The following SLC5A9 variants were observed in gnomAD, a reference collection of about 807,000 sequenced individuals.
SLC5A9 encodes the protein solute carrier family 5 member 9.
SLC5A9 carries 59 observed loss-of-function variants against 70.9 expected under a neutral mutation model. The observed-to-expected ratio is 0.83, with a 90% confidence interval of 0.68 to 1.03. SLC5A9 has a LOEUF of 1.03. Ranked by LOEUF, SLC5A9 falls within the 50% of genes least tolerant of loss-of-function variation. The pLI is 0.00. For missense variants in SLC5A9, 832 were observed against 881.1 expected, an observed-to-expected ratio of 0.94 and a Z score of 0.71; for synonymous variants, 340 against 346.5, an observed-to-expected ratio of 0.98 and a Z score of 0.21.
At position 48,224,735 on chromosome 1, in the gene SLC5A9, T is replaced by G. The variant is rs375370795; in HGVS notation, c.174T>G (p.Arg58=). 113 of 1,614,008 alleles carry G rather than the reference T, an allele frequency of 7.0e-5. 1 individual carries two copies. The highest frequency in any genetic ancestry group is 9.1e-5 in the Non-Finnish European group (107 of 1,180,026). The change falls in exon 2 of 14, where the codon CGT becomes CGG. Residue 58 remains arginine, a synonymous_variant. Coordinates refer to ENST00000438567, the MANE Select transcript of SLC5A9 (RefSeq NM_001011547.3). ...VIAVGIWSSI[R]ASRGTIGGYF... Reference sequence around the variant, plus strand: ...TATTTCCTTTCCAGTCGTCCATCCGTGCAAGTCGAGGGACCATTGGCGGCT... The same window carrying G: ...TATTTCCTTTCCAGTCGTCCATCCGGGCAAGTCGAGGGACCATTGGCGGCT...
At chr1:48,226,725 C>G (rs1644151858) in intron 2 of SLC5A9, among the ~76,000 whole-genome samples, 1 of 152,176 alleles carries the variant, frequency 6.6e-6, no homozygotes, top group Admixed American at 6.5e-5. Context: ...CCTCCCCATG[C>G]CTCCCCTGCT....
In SLC5A9 at chr1:48,247,703, C is replaced by T; in HGVS notation, c.*160C>T. 2 of 691,468 alleles carry T rather than the reference C, an allele frequency of 2.9e-6. No homozygotes were observed. Among genetic ancestry groups the T allele is most frequent in the Non-Finnish European group, 4.9e-6 (2 of 407,486 alleles). The allele number at this position is 691,468 out of a possible 1,614,324, so 42.8% of individuals were successfully genotyped here. A position where few individuals can be genotyped will look rare whatever the true frequency, so the allele number is the denominator to read the frequency against. ...AATCCAACTCAACCTGCACACTTGA[C>T]AAGTGGAGAAACAGAAGCCCAGAGA... On this transcript the variant is annotated 3_prime_UTR_variant, in exon 14 of 14. Transcript: ENST00000438567.
At chr1:48,234,906 C>G (rs1416707598) in intron 9 of SLC5A9, among the ~76,000 whole-genome samples, 1 of 151,998 alleles carries the variant, frequency 6.6e-6, no homozygotes, top group Non-Finnish European at 1.5e-5. Context: ...AACAGAAGGC[C>G]CCAGAGGGAG....
At position 48,222,728 on chromosome 1, in the gene SLC5A9, C is replaced by T; in HGVS notation, c.-9C>T. The T allele has an allele frequency of 6.2e-7, 1 of 1,614,064 alleles. No homozygotes were observed. The highest frequency in any genetic ancestry group is 8.5e-7 in the Non-Finnish European group (1 of 1,179,998). On this transcript the variant is annotated 5_prime_UTR_variant, in exon 1 of 14. Transcript: ENST00000438567. ...CAAAGTCCAGCCTGCTGTTGACCAA[C>T]ACTAACAGATGAGCAAGGAGCTGGC... is the stretch of plus-strand genomic sequence containing the variant.
Position 48,232,099 on chromosome 1 carries a change from G to T in SLC5A9, c.845G>T (p.Gly282Val), listed in dbSNP as rs1260452617. 1.9e-6 allele frequency: 3 copies of T among 1,614,150 alleles called. No homozygotes were observed. Among genetic ancestry groups the T allele is most frequent in the Non-Finnish European group, 2.5e-6 (3 of 1,180,014 alleles). ...GTGAGCGGGGACATCCCTTGGCCAG[G>T]TCTCATTTTCGGGCTCACAGTGCTG... Reference protein sequence around the residue: ...DPVSGDIPWPGLIFGLTVLAT... With the variant: ...DPVSGDIPWPVLIFGLTVLAT... Residue 282 changes from glycine (G) to valine (V), a missense_variant, in exon 7 of 14, where the codon GGT (glycine) becomes GTT (valine). By Grantham distance (109) the Gly-to-Val change is moderately radical. Transcript: ENST00000438567.
intron 4 of SLC5A9, chr1:48,229,661 T>A: frequency 1.4e-6 from 1 of 691,288 alleles, no homozygotes; most frequent in Non-Finnish European, 2.3e-6. Flanking sequence ...TTGGAGTGAA[T>A]GACAGCCCCT....
Position 48,229,470 on chromosome 1 carries a change from C to T in SLC5A9, c.504+11C>T. 2 of 1,613,490 alleles carry T rather than the reference C, an allele frequency of 1.2e-6. No individual in the cohort carries two copies. Among genetic ancestry groups the T allele is most frequent in the Non-Finnish European group, 1.7e-6 (2 of 1,179,552 alleles). ...TTCACCAAGATCTCGGTAGGTGTCA[C>T]TGCAATGTGGTCACTGTGTCTGGAA... On this transcript the variant is annotated intron_variant, in intron 4 of 13. Transcript: ENST00000438567.
chr1:48,228,889 T>C lies in SLC5A9; in HGVS notation c.274T>C (p.Leu92=). 2 of 1,613,850 alleles carry C rather than the reference T, an allele frequency of 1.2e-6. No individual in the cohort carries two copies. The highest frequency in any genetic ancestry group is 8.5e-7 in the Non-Finnish European group (1 of 1,179,990). Residue 92 remains leucine, a synonymous_variant, in exon 3 of 14, where the codon TTG becomes CTG. Coordinates refer to ENST00000438567, the MANE Select transcript of SLC5A9 (RefSeq NM_001011547.3). ...SLMSSNVGSG[L]FIGLAGTGAA... ...GATGTCCAGCAATGTGGGCAGTGGCTTGTTCATCGGCCTGGCTGGGACAGG... is the reference window on the plus strand; with the variant it reads ...GATGTCCAGCAATGTGGGCAGTGGCCTGTTCATCGGCCTGGCTGGGACAGG...
chr1:48,230,592 C>T lies in SLC5A9; in HGVS notation c.505-8C>T. On this transcript the variant is annotated splice_region_variant and splice_polypyrimidine_tract_variant and intron_variant, in intron 4 of 13. Coordinates refer to ENST00000438567, the MANE Select transcript of SLC5A9 (RefSeq NM_001011547.3). Reference sequence around the variant, plus strand: ...TGGTCTGGCCTCTTGGGTCCTGGCTCTCTGCAGACTGACATCTTCTCTGGA... The same window carrying T: ...TGGTCTGGCCTCTTGGGTCCTGGCTTTCTGCAGACTGACATCTTCTCTGGA... The T allele has an allele frequency of 1.2e-6, 2 of 1,612,538 alleles. No homozygotes were observed. The highest frequency in any genetic ancestry group is 1.7e-6 in the Non-Finnish European group (2 of 1,178,704).
chr1:48,237,328 T>C (rs1443547867), intron 10 of SLC5A9, among the ~76,000 whole-genome samples: 1 of 115,938 alleles, frequency 8.6e-6, no homozygotes, highest in Non-Finnish European at 1.6e-5. Flanking sequence ...AGAGAAGACA[T>C]TCTAAGCAGA....
chr1:48,231,611 T>C lies in SLC5A9; in HGVS notation c.677T>C (p.Val226Ala), dbSNP rs1448621140. The stretch of plus-strand genomic sequence containing the variant: ...GTGATCATGGTAGGGGGAGCCCTGG[T>C]CCTCATGTTTCTGGGTAAGGAAGAG... ...QTVIMVGGAL[V>A]LMFLGFQDVG... The change falls in exon 6 of 14, where the codon GTC (valine) becomes GCC (alanine). Residue 226 changes from valine to alanine, a missense_variant. Coordinates refer to ENST00000438567, the MANE Select transcript of SLC5A9 (RefSeq NM_001011547.3). 1.9e-6 allele frequency: 3 copies of C among 1,614,148 alleles called. No individual in the cohort carries two copies. The highest frequency in any genetic ancestry group is 2.5e-6 in the Non-Finnish European group (3 of 1,180,002).
intron 9 of SLC5A9, among the ~76,000 whole-genome samples, chr1:48,233,965 AG>A (rs1459910563): frequency 1.3e-5 from 2 of 152,220 alleles, no homozygotes; most frequent in African/African-American, 2.4e-5. Flanking sequence ...CTGGAGATGC[AG>A]AGATAAAAGG....
Position 48,239,535 on chromosome 1 carries a change from C to T in SLC5A9, c.1675C>T (p.Gln559Ter), listed in dbSNP as rs994916140. 137 of 1,614,008 alleles carry T rather than the reference C, an allele frequency of 8.5e-5. No homozygotes were observed. The highest frequency in any genetic ancestry group is 1.2e-4 in the Non-Finnish European group (137 of 1,179,868). The change falls in exon 12 of 14, where the codon CAG becomes TAG. Residue 559 changes from glutamine to a stop codon, truncating the protein, a stop_gained and splice_region_variant. Transcript: ENST00000438567. LOFTEE classifies it high-confidence loss of function. This position sits in a 1 kb window ranked among gnomAD's most constrained non-coding sequence, Gnocchi z 4.2. Reference sequence around the variant, plus strand: ...CTGTACAACTCCCATCCCTGAGGAACAGGCAAGTGTTGTGCTCATACTGAG... The same window carrying T: ...CTGTACAACTCCCATCCCTGAGGAATAGGCAAGTGTTGTGCTCATACTGAG... ...SLCTTPIPEE[Q>*]LTRLTWWTRN... is the part of the protein sequence containing the mutation.
Position 48,230,605 on chromosome 1 carries a change from C to T in SLC5A9, c.510C>T (p.Asp170=). Residue 170 remains aspartate, a synonymous_variant, in exon 5 of 14, where the codon GAC becomes GAT. Coordinates refer to ENST00000438567, the MANE Select transcript of SLC5A9 (RefSeq NM_001011547.3). ...ILYIFTKIST[D]IFSGALFIQM... is the part of the protein sequence containing the mutation. Reference sequence around the variant, plus strand: ...TGGGTCCTGGCTCTCTGCAGACTGACATCTTCTCTGGAGCCCTCTTCATCC... The same window carrying T: ...TGGGTCCTGGCTCTCTGCAGACTGATATCTTCTCTGGAGCCCTCTTCATCC... The T allele has an allele frequency of 6.2e-7, 1 of 1,613,770 alleles. No individual in the cohort carries two copies. The highest frequency in any genetic ancestry group is 1.3e-5 in the African/African-American group (1 of 75,046).
chr1:48,245,135 T>C (rs1443100997), intron 13 of SLC5A9, among the ~76,000 whole-genome samples: 2 of 150,520 alleles, frequency 1.3e-5, no homozygotes, highest in Non-Finnish European at 3.0e-5. Flanking sequence ...GACTGGGTCC[T>C]GAGCCTTGTA....
Position 48,242,634 on chromosome 1 carries a change from G to A in SLC5A9, c.1837+18G>A, listed in dbSNP as rs770219729. 118 of 1,594,682 alleles carry A rather than the reference G, an allele frequency of 7.4e-5. No individual in the cohort carries two copies. The East Asian group carries it at 1.7e-3, about 22-fold the overall frequency. On this transcript the variant is annotated intron_variant, in intron 13 of 13. Coordinates refer to ENST00000438567, the MANE Select transcript of SLC5A9 (RefSeq NM_001011547.3). ...GCCTGAAGGTAGGCTGCGGCAGGCCGGGGGATACTCATCACAGAGGAACAG... is the reference window on the plus strand; with the variant it reads ...GCCTGAAGGTAGGCTGCGGCAGGCCAGGGGATACTCATCACAGAGGAACAG...
At chr1:48,237,580 C>T in intron 10 of SLC5A9, 99 bp from the exon 11 acceptor site, 1 of 1,167,026 alleles carries the variant, frequency 8.6e-7, no homozygotes, top group Non-Finnish European at 1.2e-6. Flanking sequence ...TTGTACATTC[C>T]CCTTCTTTCT....
chr1:48,231,434 A>C, intron 5 of SLC5A9, 111 bp from the exon 6 acceptor site: 1 of 1,326,158 alleles, frequency 7.5e-7, no homozygotes, highest in Non-Finnish European at 1.0e-6. Flanking sequence ...TCCCCTGCTA[A>C]GAGGGCTGTG....
chr1:48,222,860 G>T lies in SLC5A9; in HGVS notation c.124G>T (p.Val42Phe). 1 of 1,614,160 alleles carries T rather than the reference G, an allele frequency of 6.2e-7. No homozygotes were observed. The highest frequency in any genetic ancestry group is 2.2e-5 in the East Asian group (1 of 44,878). Reference sequence around the variant, plus strand: ...GCACGCCTACGACATCAGCGTGGTGGTCATCTACTTTGTCTTCGTCATTGC... The same window carrying T: ...GCACGCCTACGACATCAGCGTGGTGTTCATCTACTTTGTCTTCGTCATTGC... ...GLHAYDISVV[V>F]IYFVFVIAVG... Residue 42 changes from valine to phenylalanine, a missense_variant, in exon 1 of 14, where the codon GTC (valine) becomes TTC (phenylalanine). Val to Phe is a conservative substitution (Grantham distance 50). Transcript: ENST00000438567.
Sources: allele counts gnomAD v4.1 joint callset (sites outside exome capture counted in the v4.1 genomes callset), GRCh38; gene constraint gnomAD v4.1.1; non-coding constraint Gnocchi (gnomAD v3.1); transcripts MANE v1.5; gene names NCBI Gene and HGNC (gene_info 2026-07-23, HGNC 2026-07-21).